Variants in KDM5B observed in about 807,000 individuals in gnomAD.
The protein encoded by KDM5B is lysine-specific demethylase 5B.
A neutral mutation model predicts 193.4 loss-of-function variants in KDM5B; 144 were observed. That is an observed-to-expected ratio of 0.74 (90% confidence interval 0.65 to 0.86). The LOEUF (loss-of-function observed/expected upper bound fraction) is 0.86. Ranked by LOEUF, KDM5B falls within the 40% of genes least tolerant of loss-of-function variation. The probability of loss-of-function intolerance (pLI) is 0.00; values close to 1 mark genes in which losing one functional copy is unlikely to be tolerated. For missense variants in KDM5B, 1,833 were observed against 1,886.9 expected (o/e 0.97, Z 0.53); for synonymous variants, 668 against 682.6 (o/e 0.98, Z 0.33).
Position 202,777,864 on chromosome 1 carries a change from C to T in KDM5B, c.205-770G>A, listed in dbSNP as rs778470324. 5.9e-4 allele frequency among the ~76,000 whole-genome samples: 90 copies of T among 152,076 alleles called. 1 individual carries two copies. The highest frequency in any genetic ancestry group is 1.2e-3 in the Non-Finnish European group (79 of 67,968). On this transcript the variant is annotated intron_variant, in intron 1 of 26. Coordinates refer to ENST00000367265, the MANE Select transcript of KDM5B (RefSeq NM_006618.5). The stretch of plus-strand genomic sequence containing the variant: ...GTGGTGTCAGGGGGAGAAAAACTGA[C>T]ATCCAAATCCAATTTTAAAAGTCAT...
intron 20 of KDM5B, among the ~76,000 whole-genome samples, chr1:202,740,181 G>A (rs1439596233): frequency 2.0e-5 from 3 of 149,936 alleles, no homozygotes; most frequent in African/African-American, 4.9e-5. Context: ...AGGGGCGGCC[G>A]GGCAGAGGCG....
At chr1:202,773,825 C>A (rs12033807) in intron 3 of KDM5B, among the ~76,000 whole-genome samples, 6,406 of 152,050 alleles carry the variant, frequency 0.042, 342 homozygotes, top group East Asian at 0.24. Flanking sequence ...GCAACCTCCG[C>A]CTCCTGGATT....
At chr1:202,797,254 G>A (rs1572780840) in intron 1 of KDM5B, among the ~76,000 whole-genome samples, 1 of 152,012 alleles carries the variant, frequency 6.6e-6, no homozygotes, top group East Asian at 1.9e-4. Flanking sequence ...CCTCTGGGCA[G>A]CCCAGGCCAT....
In KDM5B at chr1:202,741,464, G is replaced by C. The variant is rs1314239949; in HGVS notation, c.2848C>G (p.Pro950Ala). The change falls in exon 19 of 27, where the codon CCG becomes GCG. Residue 950 changes from proline (P) to alanine (A), a missense_variant. Around this residue, in one of 3 missense-constraint regions of KDM5B, gnomAD observed 1,379 missense variants for 1,349.6 expected, o/e 1.02. Coordinates refer to ENST00000367265, the MANE Select transcript of KDM5B (RefSeq NM_006618.5). ...RLIDLGVGLA[P>A]YSAVEKAMAR... is the part of the protein sequence containing the mutation. ...ATAGCTTTCTCCACTGCTGAATACG[G>C]GGCCAGCCCTACCCCTAGGTCTATG... is the stretch of plus-strand genomic sequence containing the variant. The C allele has an allele frequency of 1.2e-6, 2 of 1,613,802 alleles. No homozygotes were observed. Among genetic ancestry groups the C allele is most frequent in the Admixed American group, 1.7e-5 (1 of 59,968 alleles).
At chr1:202,763,510 T>C (rs1348003284) in intron 6 of KDM5B, among the ~76,000 whole-genome samples, 2 of 152,162 alleles carry the variant, frequency 1.3e-5, no homozygotes, top group African/African-American at 2.4e-5. Context: ...AGTTCACTAA[T>C]CCCTAGGTTG....
At chr1:202,786,387 T>C (rs894314423) in intron 1 of KDM5B, among the ~76,000 whole-genome samples, 1 of 151,746 alleles carries the variant, frequency 6.6e-6, no homozygotes, top group South Asian at 2.1e-4. Flanking sequence ...TTTAGATATA[T>C]AGTTCAAGGG....
intron 20 of KDM5B, among the ~76,000 whole-genome samples, chr1:202,738,301 C>T (rs1307518971): frequency 2.6e-5 from 4 of 152,194 alleles, no homozygotes; most frequent in African/African-American, 9.7e-5. Context: ...TCAGCCTCTC[C>T]TTACTGCCAT....
Position 202,750,732 on chromosome 1 carries a change from G to A in KDM5B, c.1748C>T (p.Pro583Leu), listed in dbSNP as rs1655755862. 1 of 1,613,738 alleles carries A rather than the reference G, an allele frequency of 6.2e-7. No individual in the cohort carries two copies. Among genetic ancestry groups the A allele is most frequent in the Non-Finnish European group, 8.5e-7 (1 of 1,179,770 alleles). ...GTTAAAACCACTGTGGTAGGCTCTT[G>A]GAAATGTAATCACAAACTCCCCAGC... ...QCAGEFVITF[P>L]RAYHSGFNQG... Residue 583 changes from proline to leucine, a missense_variant, in exon 13 of 27, where the codon CCA becomes CTA. By Grantham distance (98) the Pro-to-Leu change is moderately conservative. This residue lies in a region of KDM5B where 1,379 missense variants were observed against 1,349.6 expected (regional missense o/e 1.02). Coordinates refer to ENST00000367265, the MANE Select transcript of KDM5B (RefSeq NM_006618.5).
intron 13 of KDM5B, among the ~76,000 whole-genome samples, chr1:202,750,444 T>C (rs1655744077): frequency 6.6e-6 from 1 of 152,016 alleles, no homozygotes; most frequent in African/African-American, 2.4e-5. Context: ...ACGCCTAATT[T>C]TTGTATTTTT....
At chr1:202,766,600 A>C in intron 5 of KDM5B, 3 of 439,298 alleles carry the variant, frequency 6.8e-6, no homozygotes, top group Non-Finnish European at 1.3e-5. Flanking sequence ...TTCTAGCCTT[A>C]ATCTCCATTA....
At chr1:202,783,888 AAAG>A (rs1293898551) in intron 1 of KDM5B, among the ~76,000 whole-genome samples, 1 of 152,172 alleles carries the variant, frequency 6.6e-6, no homozygotes, top group South Asian at 2.1e-4. Context: ...TCAAAAAAAA[AAAG>A]AAGTTGAATT....
chr1:202,799,127 C>A (rs1011121014), intron 1 of KDM5B, among the ~76,000 whole-genome samples: 2 of 152,162 alleles, frequency 1.3e-5, no homozygotes, highest in Admixed American at 1.3e-4. Context: ...TAGCAATGAG[C>A]AAATAAAGCT....
intron 4 of KDM5B, among the ~76,000 whole-genome samples, chr1:202,770,444 A>G (rs1283963446): frequency 6.6e-6 from 1 of 152,154 alleles, no homozygotes; most frequent in Admixed American, 6.6e-5. Flanking sequence ...GTTTTTCTTA[A>G]GTATATGTTC....
chr1:202,783,541 T>C (rs1261757584), intron 1 of KDM5B, among the ~76,000 whole-genome samples: 1 of 151,798 alleles, frequency 6.6e-6, no homozygotes, highest in Non-Finnish European at 1.5e-5. Flanking sequence ...TTGAAAATAG[T>C]TTTATTTTAA....
intron 10 of KDM5B, 93 bp from the exon 11 acceptor site, chr1:202,755,545 A>C (rs1421941519): frequency 9.6e-7 from 1 of 1,036,862 alleles, no homozygotes; most frequent in Non-Finnish European, 1.4e-6. Flanking sequence ...TCAAAATAAA[A>C]AAAGAAATGT....
chr1:202,807,804 A>C (rs1571468226), intron 1 of KDM5B, among the ~76,000 whole-genome samples: 1 of 149,028 alleles, frequency 6.7e-6, no homozygotes, highest in Non-Finnish European at 1.5e-5. Flanking sequence ...TCCTGCCATC[A>C]CTCCATCCGG....
Position 202,760,898 on chromosome 1 carries a change from C to T in KDM5B, c.919-325G>A, listed in dbSNP as rs140669920. Among the ~76,000 whole-genome samples the T allele has an allele frequency of 9.0e-4, 137 of 152,070 alleles. 1 individual carries two copies. In the East Asian group the frequency reaches 0.017, roughly 18 times the overall value. The stretch of plus-strand genomic sequence containing the variant: ...AGGTTATAGGCCAAGAGTGGTGGCA[C>T]GTGTCTGTAGTTCCAACTACTTGGG... On this transcript the variant is annotated intron_variant, in intron 7 of 26. Coordinates refer to ENST00000367265, the MANE Select transcript of KDM5B (RefSeq NM_006618.5).
rs919105589 is a variant in KDM5B, at chr1:202,792,430, G to A, written c.205-15336C>T. Among the ~76,000 whole-genome samples, 5 of 151,974 alleles carry A rather than the reference G, an allele frequency of 3.3e-5. 1 individual carries two copies. The highest frequency in any genetic ancestry group is 1.2e-4 in the African/African-American group (5 of 41,360). ...AACCCCAGAATGACTTTAATGGGAG[G>A]CAGTGGTACATTTATATAGGGAGCC... On this transcript the variant is annotated intron_variant, in intron 1 of 26. Coordinates refer to ENST00000367265, the MANE Select transcript of KDM5B (RefSeq NM_006618.5).
chr1:202,753,198 A>C, intron 11 of KDM5B, 131 bp from the exon 12 acceptor site: 3 of 762,096 alleles, frequency 3.9e-6, no homozygotes, highest in Non-Finnish European at 4.2e-6. Context: ...ACGAAATATC[A>C]TTAGAAATGT....
Sources: gnomAD v4.1 joint callset for allele counts (sites outside exome capture counted in the v4.1 genomes callset) on GRCh38, gnomAD v4.1.1 for gene constraint, gnomAD v4.1.1 regional missense constraint, MANE v1.5 for transcripts, NCBI Gene and HGNC (gene_info 2026-07-23, HGNC 2026-07-21) for gene names.